The following TAB2 variants were observed in gnomAD, a reference collection of about 807,000 sequenced individuals.
TAB2 encodes the protein TGF-beta activated kinase 1 (MAP3K7) binding protein 2.
A neutral mutation model predicts 65.0 loss-of-function variants in TAB2; 3 were observed. The ratio of observed to expected loss-of-function variants is 0.05; its 90% confidence interval spans 0.02 to 0.12. TAB2 has a LOEUF of 0.12. Among genes scored for constraint, TAB2 ranks in the 10% least tolerant of loss-of-function variants. The pLI is 1.00. For missense variants in TAB2, 623 were observed against 840.3 expected (o/e 0.74, Z 3.20); for synonymous variants, 298 against 285.1 (o/e 1.05, Z -0.46).
intron 3 of TAB2, among the ~76,000 whole-genome samples, chr6:149,385,257 G>T (rs1036938796): frequency 1.6e-4 from 24 of 152,120 alleles, no homozygotes; most frequent in African/African-American, 5.3e-4. Flanking sequence ...CTCTTCAAAA[G>T]GAAATATAAT....
chr6:149,219,924 T>C (rs1422762395), intron 1 of TAB2, among the ~76,000 whole-genome samples: 3 of 152,220 alleles, frequency 2.0e-5, no homozygotes, highest in Non-Finnish European at 4.4e-5. Context: ...CTTTTGTTTA[T>C]GTGGGTCAGA....
intron 6 of TAB2, chr6:149,400,204 A>G (rs775470471): frequency 2.5e-4 from 153 of 614,886 alleles, no homozygotes; most frequent in South Asian, 4.4e-4. Flanking sequence ...GCAGCAGCCA[A>G]TGGGAGGCCC....
chr6:149,254,087 A>AAGGAAGGC (rs1777946497), intron 1 of TAB2, among the ~76,000 whole-genome samples: 2 of 143,088 alleles, frequency 1.4e-5, no homozygotes, highest in Non-Finnish European at 3.1e-5. Context: ...GGAAGGAAGG[A>AAGGAAGGC]AGGAAGGAAG....
intron 1 of TAB2, among the ~76,000 whole-genome samples, chr6:149,344,012 A>C (rs1780212367): frequency 6.6e-6 from 1 of 152,214 alleles, no homozygotes; most frequent in Admixed American, 6.5e-5. Context: ...CCTTCCTTAC[A>C]TCCCTTCCTG....
At chr6:149,289,106 G>A (rs908944216) in intron 1 of TAB2, among the ~76,000 whole-genome samples, 11 of 151,888 alleles carry the variant, frequency 7.2e-5, no homozygotes, top group African/African-American at 2.2e-4. Context: ...TGATCCACCC[G>A]CCTCAGCCTC....
chr6:149,354,654 A>G (rs1449683909), intron 1 of TAB2, among the ~76,000 whole-genome samples: 1 of 152,168 alleles, frequency 6.6e-6, no homozygotes, highest in African/African-American at 2.4e-5. Context: ...TATCCTTCCA[A>G]AGATATTCTG....
At chr6:149,329,924 A>T (rs571143289) in intron 1 of TAB2, among the ~76,000 whole-genome samples, 1 of 152,176 alleles carries the variant, frequency 6.6e-6, no homozygotes, top group Non-Finnish European at 1.5e-5. Flanking sequence ...GACCTTCACA[A>T]TTAGGTTATA....
intron 1 of TAB2, among the ~76,000 whole-genome samples, chr6:149,229,573 T>A (rs1777359720): frequency 6.6e-6 from 1 of 152,172 alleles, no homozygotes. Context: ...GAAGCATGGC[T>A]TCTTTCCATG....
At chr6:149,261,773 T>C (rs6937786) in intron 1 of TAB2, among the ~76,000 whole-genome samples, 41,330 of 152,188 alleles carry the variant, frequency 0.27, 6,182 homozygotes, top group African/African-American at 0.4. Flanking sequence ...CTGATCCAGC[T>C]GAGACACAGT....
At position 149,224,086 on chromosome 6, in the gene TAB2, G is replaced by C. The variant is rs139285832; in HGVS notation, c.-121+5310G>C. ...AAACAATGTGATCACCTTTTAAAGG[G>C]GCATGTTGGACCCAGTTCCAAAGTT... is the stretch of plus-strand genomic sequence containing the variant. On this transcript the variant is annotated intron_variant, in intron 1 of 1. Coordinates refer to the TAB2 transcript ENST00000606202. Among the ~76,000 whole-genome samples the C allele has an allele frequency of 3.1e-4, 47 of 152,232 alleles. No individual in the cohort carries two copies. The East Asian group carries it at 6.9e-3, about 23-fold the overall frequency.
rs1782523058 is a variant in TAB2, at chr6:149,403,273, TATATATATATAC to T, written c.1939+4091_1939+4102del. The stretch of plus-strand genomic sequence containing the variant: ...ATATATATATATATATATATATATA[TATATATATATAC>T]ACACACACACATATATATATATATA... On this transcript the variant is annotated intron_variant, in intron 6 of 6. Transcript: ENST00000637181. Among the ~76,000 whole-genome samples, 3 of 69,640 alleles carry T rather than the reference TATATATATATAC, an allele frequency of 4.3e-5. 1 individual carries two copies. Among genetic ancestry groups the T allele is most frequent in the African/African-American group, 2.0e-4 (3 of 15,340 alleles). The allele number at this position is 69,640 out of a possible 152,430, so 45.7% of individuals were successfully genotyped here. A position where few individuals can be genotyped will look rare whatever the true frequency, so the allele number is the denominator to read the frequency against.
intron 1 of TAB2, among the ~76,000 whole-genome samples, chr6:149,311,865 G>T (rs1779172025): frequency 6.6e-6 from 1 of 152,226 alleles, no homozygotes; most frequent in Non-Finnish European, 1.5e-5. Flanking sequence ...CAGTTTGATA[G>T]CTATCCAAAG....
At chr6:149,359,290 G>T (rs1297201525) in intron 1 of TAB2, among the ~76,000 whole-genome samples, 3 of 152,060 alleles carry the variant, frequency 2.0e-5, no homozygotes, top group Admixed American at 2.0e-4. Flanking sequence ...TTTTGTTTCT[G>T]CCAGGAATCC....
intron 1 of TAB2, among the ~76,000 whole-genome samples, chr6:149,357,384 C>G (rs1780688073): frequency 7.1e-6 from 1 of 141,724 alleles, no homozygotes; most frequent in African/African-American, 2.6e-5. Context: ...CCACTACACT[C>G]CAGCCTGGGC....
intron 1 of TAB2, among the ~76,000 whole-genome samples, chr6:149,354,534 T>A (rs1010829551): frequency 6.6e-6 from 1 of 152,166 alleles, no homozygotes; most frequent in African/African-American, 2.4e-5. Flanking sequence ...ATAAAATAGG[T>A]TTTTAAAATT....
intron 1 of TAB2, among the ~76,000 whole-genome samples, chr6:149,297,752 C>T (rs1205280677): frequency 2.0e-5 from 3 of 152,014 alleles, no homozygotes; most frequent in Non-Finnish European, 4.4e-5. Flanking sequence ...AGGCTGATCT[C>T]GAACTCCTGG....
chr6:149,312,743 T>C (rs1217757343), upstream of TAB2, among the ~76,000 whole-genome samples: 1 of 152,234 alleles, frequency 6.6e-6, no homozygotes, highest in Non-Finnish European at 1.5e-5. Flanking sequence ...TCTCTACCGC[T>C]GGGTGAAAAA....
At chr6:149,406,408 A>T (rs1782665973) in intron 6 of TAB2, among the ~76,000 whole-genome samples, 1 of 152,170 alleles carries the variant, frequency 6.6e-6, no homozygotes, top group Admixed American at 6.5e-5. Context: ...GGGGAGGAAA[A>T]GGAGAGGTTG....
chr6:149,305,033 T>C (rs1779037342), intron 1 of TAB2, among the ~76,000 whole-genome samples: 1 of 152,218 alleles, frequency 6.6e-6, no homozygotes, highest in Non-Finnish European at 1.5e-5. Flanking sequence ...TTTACTTGTA[T>C]TAGTTTTTAT....
Sources: gnomAD v4.1 joint callset for allele counts (sites outside exome capture counted in the v4.1 genomes callset) on GRCh38, gnomAD v4.1.1 for gene constraint, MANE v1.5 for transcripts, NCBI Gene and HGNC (gene_info 2026-07-23, HGNC 2026-07-21) for gene names.